The following CAMTA1 variants were observed in gnomAD, a reference collection of about 807,000 sequenced individuals.
The protein encoded by CAMTA1 is calmodulin-binding transcription activator 1.
Under a neutral mutation model 170.9 loss-of-function variants are expected in CAMTA1, and 27 were observed. The ratio of observed to expected loss-of-function variants is 0.16; its 90% confidence interval spans 0.12 to 0.22. CAMTA1 has a LOEUF of 0.22. Ranked by LOEUF, CAMTA1 falls within the 10% of genes least tolerant of loss-of-function variation. The probability of loss-of-function intolerance (pLI) is 1.00; values close to 1 mark genes in which losing one functional copy is unlikely to be tolerated. For synonymous variants in CAMTA1, 833 were observed against 891.5 expected, an observed-to-expected ratio of 0.93 and a Z score of 1.17; for missense variants, 1,619 against 2,217.2, an observed-to-expected ratio of 0.73 and a Z score of 5.42.
chr1:7,629,473 A>T (rs1281227141), intron 6 of CAMTA1, among the ~76,000 whole-genome samples: 1 of 152,224 alleles, frequency 6.6e-6, no homozygotes, highest in African/African-American at 2.4e-5. Context: ...TGAGTCTCAT[A>T]CGTTGACTGC....
At chr1:6,955,123 A>G (rs1201980854) in intron 3 of CAMTA1, among the ~76,000 whole-genome samples, 1 of 148,204 alleles carries the variant, frequency 6.7e-6, no homozygotes, top group East Asian at 2.0e-4. Flanking sequence ...CCTTTCCCTA[A>G]TCAGTTCCAG....
chr1:7,650,954 G>A (rs916768818), intron 7 of CAMTA1, among the ~76,000 whole-genome samples: 3 of 152,162 alleles, frequency 2.0e-5, no homozygotes, highest in Admixed American at 2.0e-4. Context: ...TCGCCATGGA[G>A]ACAGCCTTCT....
rs756121571 is a variant in CAMTA1, at chr1:7,746,097, C to G, written c.4617+6C>G. 10 of 1,612,594 alleles carry G rather than the reference C, an allele frequency of 6.2e-6. No individual in the cohort carries two copies. The highest frequency in any genetic ancestry group is 8.5e-6 in the Non-Finnish European group (10 of 1,178,728). ...CAGCTTTCCGGAAATACAAGGTAAA[C>G]TAGAACAGAACCTTCGTTTTGTGAC... is the stretch of plus-strand genomic sequence containing the variant. On this transcript the variant is annotated splice_donor_region_variant and intron_variant, in intron 18 of 22. Transcript: ENST00000303635.
At chr1:6,926,751 A>G (rs1171737163) in intron 3 of CAMTA1, among the ~76,000 whole-genome samples, 3 of 142,932 alleles carry the variant, frequency 2.1e-5, no homozygotes, top group Admixed American at 1.4e-4. Flanking sequence ...TTTTTTTTGA[A>G]ACAAGATCTG....
chr1:7,188,108 A>G lies in CAMTA1; in HGVS notation c.303-61383A>G, dbSNP rs563409957. Among the ~76,000 whole-genome samples the G allele has an allele frequency of 4.6e-5, 7 of 152,220 alleles. 1 individual carries two copies. Among genetic ancestry groups the G allele is most frequent in the Non-Finnish European group, 8.8e-5 (6 of 68,026 alleles). On this transcript the variant is annotated intron_variant, in intron 4 of 22. Coordinates refer to ENST00000303635, the MANE Select transcript of CAMTA1 (RefSeq NM_015215.4). ...GGGGAACTACCAAACACATAAAACC[A>G]TCAAATCTCACGAGAACTCACTCAT...
rs2095033481 is a variant in CAMTA1, at chr1:7,565,786, T to TTA, written c.511-74613_511-74612dup. Among the ~76,000 whole-genome samples, 1 of 152,174 alleles carries TTA rather than the reference T, an allele frequency of 6.6e-6. No individual in the cohort carries two copies. The highest frequency in any genetic ancestry group is 2.4e-5 in the African/African-American group (1 of 41,434). On this transcript the variant is annotated intron_variant, in intron 6 of 22. Coordinates refer to ENST00000303635, the MANE Select transcript of CAMTA1 (RefSeq NM_015215.4). This position sits in a 1 kb window ranked among gnomAD's most constrained non-coding sequence, Gnocchi z 4.5. ...GACAAAATACCATAGACCGGGTGGC[T>TTA]TAAACAGTAGACATTTACACTCTCA...
At position 7,565,178 on chromosome 1, in the gene CAMTA1, C is replaced by G. The variant is rs551428868; in HGVS notation, c.511-75222C>G. Among the ~76,000 whole-genome samples, 1 of 152,104 alleles carries G rather than the reference C, an allele frequency of 6.6e-6. No homozygotes were observed. Among genetic ancestry groups the G allele is most frequent in the African/African-American group, 2.4e-5 (1 of 41,418 alleles). On this transcript the variant is annotated intron_variant, in intron 6 of 22. Coordinates refer to ENST00000303635, the MANE Select transcript of CAMTA1 (RefSeq NM_015215.4). This position sits in a 1 kb window ranked among gnomAD's most constrained non-coding sequence, Gnocchi z 4.5. The stretch of plus-strand genomic sequence containing the variant: ...ACACCCCCACCCTCCACTTGCCAGC[C>G]GATCACTGGGGCAGAAGGTGGGATC...
chr1:6,855,367 G>GC (rs1367803267), intron 3 of CAMTA1, among the ~76,000 whole-genome samples: 2 of 151,556 alleles, frequency 1.3e-5, no homozygotes, highest in Non-Finnish European at 2.9e-5. Context: ...CATGGTGCCG[G>GC]CATCTGCTTG....
chr1:7,328,126 G>A (rs1381461697), intron 5 of CAMTA1, among the ~76,000 whole-genome samples: 4 of 152,148 alleles, frequency 2.6e-5, no homozygotes, highest in African/African-American at 9.7e-5. Context: ...GTGAGGGTTT[G>A]TTTTTGCTTT....
At chr1:6,917,152 A>G (rs1680982728) in intron 3 of CAMTA1, among the ~76,000 whole-genome samples, 1 of 152,130 alleles carries the variant, frequency 6.6e-6, no homozygotes, top group Non-Finnish European at 1.5e-5. Context: ...TGGCATGTTC[A>G]TGACAGTGGA....
chr1:7,720,916 C>A (rs1023304345), intron 11 of CAMTA1, among the ~76,000 whole-genome samples: 1 of 152,168 alleles, frequency 6.6e-6, no homozygotes, highest in Admixed American at 6.5e-5. Flanking sequence ...TCCTCTCTTG[C>A]CCCTGGACAG....
At chr1:7,601,134 G>A (rs1352438930) in intron 6 of CAMTA1, among the ~76,000 whole-genome samples, 162 of 146,796 alleles carry the variant, frequency 1.1e-3, no homozygotes, top group African/African-American at 3.8e-3. Context: ...CCTCCCTCCC[G>A]GACGGGGCGG....
At chr1:7,468,046 C>T (rs140279751) in intron 6 of CAMTA1, 145 bp downstream of exon 6, 17 of 694,218 alleles carry the variant, frequency 2.4e-5, no homozygotes, top group Middle Eastern at 3.9e-4. Flanking sequence ...TCGGCTGTTG[C>T]GGCACTGAGG....
chr1:6,785,901 A>G (rs968602530), intron 1 of CAMTA1, among the ~76,000 whole-genome samples: 1 of 146,168 alleles, frequency 6.8e-6, no homozygotes, highest in Non-Finnish European at 1.5e-5. Context: ...CGCCTCCCCC[A>G]CCCGGACCGG....
intron 3 of CAMTA1, among the ~76,000 whole-genome samples, chr1:6,991,235 T>C (rs1198057464): frequency 1.3e-5 from 2 of 152,224 alleles, no homozygotes; most frequent in Non-Finnish European, 2.9e-5. Flanking sequence ...TGTGTGTTTT[T>C]ATTTCTTTTG....
chr1:7,394,712 C>T (rs904193394), intron 5 of CAMTA1, among the ~76,000 whole-genome samples: 2 of 151,840 alleles, frequency 1.3e-5, no homozygotes, highest in Non-Finnish European at 2.9e-5. Context: ...TCCCATTTGT[C>T]TATTGTTCCT....
rs918085702 is a variant in CAMTA1, at chr1:7,585,419, G to A, written c.511-54981G>A. Among the ~76,000 whole-genome samples, 4 of 152,164 alleles carry A rather than the reference G, an allele frequency of 2.6e-5. No homozygotes were observed. Among genetic ancestry groups the A allele is most frequent in the Non-Finnish European group, 4.4e-5 (3 of 68,030 alleles). The stretch of plus-strand genomic sequence containing the variant: ...AGGGAAGAGTATGTGCAAAGGCCCT[G>A]GGGTGGACATAAGCTTGAAGTCTCT... On this transcript the variant is annotated intron_variant, in intron 6 of 22. Transcript: ENST00000303635. The surrounding 1 kb of genome is among the most constrained non-coding windows in gnomAD (Gnocchi z 4.8).
intron 6 of CAMTA1, among the ~76,000 whole-genome samples, chr1:7,470,857 G>A (rs930163470): frequency 1.3e-5 from 2 of 152,174 alleles, no homozygotes; most frequent in South Asian, 2.1e-4. Flanking sequence ...GCACTTAGTG[G>A]GCACGTCTGC....
chr1:7,021,809 T>C (rs887058619), intron 3 of CAMTA1, among the ~76,000 whole-genome samples: 21 of 152,192 alleles, frequency 1.4e-4, no homozygotes, highest in African/African-American at 4.3e-4. Context: ...TAGAAAAGCC[T>C]GTATTCTGCT....
Sources: gnomAD v4.1 joint callset for allele counts (sites outside exome capture counted in the v4.1 genomes callset) on GRCh38, gnomAD v4.1.1 for gene constraint, Gnocchi (gnomAD v3.1) non-coding constraint, MANE v1.5 for transcripts, NCBI Gene and HGNC (gene_info 2026-07-23, HGNC 2026-07-21) for gene names.